The following PRKD1 variants were observed in gnomAD, a reference collection of about 807,000 sequenced individuals.
PRKD1 encodes the protein serine/threonine-protein kinase D1.
In PRKD1, 63 loss-of-function variants were observed where a neutral mutation model predicts 95.9. That is an observed-to-expected ratio of 0.66 (90% confidence interval 0.54 to 0.81). The LOEUF (loss-of-function observed/expected upper bound fraction) is 0.81. Ranked by LOEUF, PRKD1 falls within the 30% of genes least tolerant of loss-of-function variation. The pLI is 0.00. For missense variants in PRKD1, 1,048 were observed against 1,165.3 expected (o/e 0.90, Z 1.47); for synonymous variants, 425 against 423.1 (o/e 1.00, Z -0.05).
rs45475300 is a variant in PRKD1 at position 29,635,235 on chromosome 14, A to G, written c.1191-694T>C. 7.4e-3 allele frequency among the ~76,000 whole-genome samples: 1,132 copies of G among 152,260 alleles called. 12 individuals are homozygous for G. The highest frequency in any genetic ancestry group is 0.026 in the African/African-American group (1,074 of 41,550). ...TTATCAATCATTTAGAGATTACATT[A>G]TTCAACATGAATTTTTAGTTTCTCT... On this transcript the variant is annotated intron_variant, in intron 7 of 17. Coordinates refer to ENST00000331968, the MANE Select transcript of PRKD1 (RefSeq NM_002742.3).
intron 4 of PRKD1, chr14:29,656,606 T>A: frequency 7.9e-7 from 1 of 1,258,248 alleles, no homozygotes; most frequent in African/African-American, 1.5e-5. Context: ...CATTACTCAA[T>A]AATGTTTCAT....
At chr14:29,903,705 G>C (rs1018928191) in intron 1 of PRKD1, among the ~76,000 whole-genome samples, 1 of 152,038 alleles carries the variant, frequency 6.6e-6, no homozygotes. Flanking sequence ...AGGGATAAAG[G>C]GGTGACAACT....
chr14:29,586,678 G>A (rs1892943625), intron 16 of PRKD1, among the ~76,000 whole-genome samples: 1 of 152,036 alleles, frequency 6.6e-6, no homozygotes, highest in South Asian at 2.1e-4. Context: ...TTTTGCTCTT[G>A]TTGCCCAGGC....
chr14:29,670,373 T>A (rs1882769205), intron 2 of PRKD1, among the ~76,000 whole-genome samples: 1 of 152,174 alleles, frequency 6.6e-6, no homozygotes, highest in Admixed American at 6.5e-5. Context: ...CAGGGAACAC[T>A]TCATCCAAGA....
chr14:29,854,875 C>T (rs779522641), intron 1 of PRKD1, among the ~76,000 whole-genome samples: 11 of 152,178 alleles, frequency 7.2e-5, no homozygotes, highest in Non-Finnish European at 1.3e-4. Flanking sequence ...GGAGCTTGGG[C>T]CGTGGCTTCA....
At chr14:29,593,897 T>G (rs1262868025) in intron 16 of PRKD1, among the ~76,000 whole-genome samples, 1 of 152,168 alleles carries the variant, frequency 6.6e-6, no homozygotes, top group Admixed American at 6.5e-5. Flanking sequence ...GAATAATTAA[T>G]GAGTAAAATA....
chr14:29,617,000 G>T (rs998820751), intron 13 of PRKD1, among the ~76,000 whole-genome samples: 1 of 151,936 alleles, frequency 6.6e-6, no homozygotes, highest in Non-Finnish European at 1.5e-5. Context: ...TTCCTTCTTT[G>T]TGTCCACATG....
chr14:29,720,417 T>A (rs533367212), intron 2 of PRKD1, among the ~76,000 whole-genome samples: 14 of 152,194 alleles, frequency 9.2e-5, no homozygotes, highest in African/African-American at 3.4e-4. Flanking sequence ...AGAATGCATG[T>A]AATATTATCA....
At chr14:29,927,070 G>C (rs1412802391) in intron 1 of PRKD1, among the ~76,000 whole-genome samples, 179 bp downstream of exon 1, 1 of 152,020 alleles carries the variant, frequency 6.6e-6, no homozygotes, top group Non-Finnish European at 1.5e-5. Context: ...GCAACAGCGA[G>C]CGCAGCGCCT....
At chr14:29,851,509 A>G (rs564432145) in intron 1 of PRKD1, among the ~76,000 whole-genome samples, 1 of 152,326 alleles carries the variant, frequency 6.6e-6, no homozygotes, top group East Asian at 1.9e-4. Context: ...GAAAAATTCA[A>G]ATCAAAAACC....
At chr14:29,759,294 T>C (rs1341766931) in intron 1 of PRKD1, among the ~76,000 whole-genome samples, 1 of 152,092 alleles carries the variant, frequency 6.6e-6, no homozygotes, top group Non-Finnish European at 1.5e-5. Flanking sequence ...TTGGGAATAT[T>C]CCATGTGCAC....
intron 2 of PRKD1, 22 bp downstream of exon 2, chr14:29,725,514 A>G (rs2095491459): frequency 6.3e-7 from 1 of 1,599,492 alleles, no homozygotes. Context: ...ACGGATAAAG[A>G]AAAGGTATAA....
intron 2 of PRKD1, among the ~76,000 whole-genome samples, chr14:29,669,704 C>T (rs966338679): frequency 1.3e-5 from 2 of 152,120 alleles, no homozygotes; most frequent in Non-Finnish European, 2.9e-5. Flanking sequence ...CCTATCTCTA[C>T]TAAAAATACA....
intron 13 of PRKD1, among the ~76,000 whole-genome samples, chr14:29,621,510 A>G (rs1293445176): frequency 1.3e-5 from 2 of 151,144 alleles, no homozygotes; most frequent in African/African-American, 4.9e-5. Flanking sequence ...CTTGATGAAC[A>G]TATTTTAAAA....
At chr14:29,847,552 AC>A (rs1034943518) in intron 1 of PRKD1, among the ~76,000 whole-genome samples, 1 of 152,158 alleles carries the variant, frequency 6.6e-6, no homozygotes, top group African/African-American at 2.4e-5. Flanking sequence ...TTAAAAAAAA[AC>A]AAATCTTTAA....
At chr14:29,680,867 G>C (rs757128593) in intron 2 of PRKD1, among the ~76,000 whole-genome samples, 2 of 152,168 alleles carry the variant, frequency 1.3e-5, no homozygotes, top group Non-Finnish European at 2.9e-5. Flanking sequence ...GTAGATGGAG[G>C]AATTGATTGT....
At chr14:29,720,496 C>T (rs1333302601) in intron 2 of PRKD1, among the ~76,000 whole-genome samples, 2 of 151,846 alleles carry the variant, frequency 1.3e-5, no homozygotes, top group African/African-American at 4.8e-5. Context: ...AATCCTGAAG[C>T]CCAAGCCGAG....
At chr14:29,667,540 G>A (rs977881909) in intron 2 of PRKD1, among the ~76,000 whole-genome samples, 4 of 152,118 alleles carry the variant, frequency 2.6e-5, no homozygotes, top group Non-Finnish European at 4.4e-5. Context: ...AGTGTGGTTT[G>A]GGTGCCAATC....
intron 1 of PRKD1, among the ~76,000 whole-genome samples, chr14:29,924,358 A>G (rs1228103919): frequency 6.6e-6 from 1 of 152,230 alleles, no homozygotes; most frequent in Non-Finnish European, 1.5e-5. Context: ...CTACATAATT[A>G]GAGAACAACT....
Sources: allele counts gnomAD v4.1 joint callset (sites outside exome capture counted in the v4.1 genomes callset), GRCh38; gene constraint gnomAD v4.1.1; transcripts MANE v1.5; gene names NCBI Gene and HGNC (gene_info 2026-07-23, HGNC 2026-07-21).